SCAF1: variants seen among roughly 807,000 people sequenced by gnomAD.
SCAF1 encodes the protein splicing factor, arginine/serine-rich 19.
Under a neutral mutation model 91.2 loss-of-function variants are expected in SCAF1, and 28 were observed. The observed-to-expected ratio is 0.31, with a 90% CI of 0.23 to 0.42. The LOEUF (loss-of-function observed/expected upper bound fraction) is 0.42. Ranked by LOEUF, SCAF1 falls within the 10% of genes least tolerant of loss-of-function variation. The pLI, the probability that SCAF1 is intolerant of heterozygous loss-of-function variation, is 1.00. For synonymous variants in SCAF1, 1,036 were observed against 833.7 expected (o/e 1.24, Z -4.18); for missense variants, 1,893 against 1,872.1 (o/e 1.01, Z -0.21).
chr19:49,651,542 C>A lies in SCAF1; in HGVS notation c.1153C>A (p.Pro385Thr). ...AGCCGCCCTCCCGCCGCCCCTGCTG[C>A]CGCCCGGCGACTCGGAGATCGAGGA... ...GGAALPPPLL[P>T]PGDSEIEEGE... The change falls in exon 7 of 11, where the codon CCG (proline) becomes ACG (threonine). Residue 385 changes from proline (P) to threonine (T), a missense_variant. Pro to Thr is a conservative substitution (Grantham distance 38). Around this residue, in one of 5 missense-constraint regions of SCAF1, gnomAD observed 1,436 missense variants for 1,306.8 expected, o/e 1.10. Coordinates refer to ENST00000360565, the MANE Select transcript of SCAF1 (RefSeq NM_021228.3). 6.4e-7 allele frequency: 1 copy of A among 1,562,162 alleles called. No individual in the cohort carries two copies.
rs754856414 is a variant in SCAF1 at position 49,652,030 on chromosome 19, C to A, written c.1641C>A (p.Ala547=). ...SGTQPAPPAP[A]SPWDSKKHRS... Reference sequence around the variant, plus strand: ...CCCAGCCAGCGCCGCCCGCCCCGGCCTCGCCCTGGGACTCCAAGAAGCACC... The same window carrying A: ...CCCAGCCAGCGCCGCCCGCCCCGGCATCGCCCTGGGACTCCAAGAAGCACC... The change falls in exon 7 of 11, where the codon GCC becomes GCA. Residue 547 remains alanine, a synonymous_variant. Coordinates refer to ENST00000360565, the MANE Select transcript of SCAF1 (RefSeq NM_021228.3). The A allele has an allele frequency of 4.1e-6, 5 of 1,227,356 alleles. No individual in the cohort carries two copies. The highest frequency in any genetic ancestry group is 5.1e-6 in the Non-Finnish European group (5 of 973,056). The allele number at this position is 1,227,356 out of a possible 1,614,324, so 76.0% of individuals were successfully genotyped here.
rs777100927 is a variant in SCAF1 at position 49,650,882 on chromosome 19, A to G, written c.493A>G (p.Asn165Asp). The change falls in exon 7 of 11, where the codon AAC becomes GAC. Residue 165 changes from asparagine to aspartate, a missense_variant. This residue lies in a region of SCAF1 where 270 missense variants were observed against 292.5 expected (regional missense o/e 0.92). Transcript: ENST00000360565. The stretch of plus-strand genomic sequence containing the variant: ...TTCCTTTGCAGTTTCTCCACAGTCG[A>G]ACTCCTCTAGGCCCACCTGTGCCCG... ...RTGKTVSPQS[N>D]SSRPTCARHL... 6.2e-7 allele frequency: 1 copy of G among 1,609,878 alleles called. No individual in the cohort carries two copies. Among genetic ancestry groups the G allele is most frequent in the Non-Finnish European group, 8.5e-7 (1 of 1,178,122 alleles).
intron 9 of SCAF1, 29 bp downstream of exon 9, chr19:49,654,899 G>T: frequency 6.7e-7 from 1 of 1,494,330 alleles, no homozygotes; most frequent in Non-Finnish European, 9.0e-7. Flanking sequence ...AGGTGGGGCG[G>T]TGCTGACAGT....
chr19:49,658,162 G>T (rs371695226), intron 10 of SCAF1, 46 bp from the exon 11 acceptor site: 1 of 1,582,856 alleles, frequency 6.3e-7, no homozygotes, highest in African/African-American at 1.3e-5. Flanking sequence ...GGGTGGATGG[G>T]GCCCCGGGAG....
intron 8 of SCAF1, 75 bp from the exon 9 acceptor site, chr19:49,654,577 G>A (rs1406845911): frequency 1.5e-6 from 2 of 1,378,496 alleles, no homozygotes; most frequent in Non-Finnish European, 2.0e-6. Flanking sequence ...AAGTCAGCGT[G>A]GGAACAGTGG....
chr19:49,643,905 C>G (rs1469610353), intron 1 of SCAF1, among the ~76,000 whole-genome samples: 2 of 152,096 alleles, frequency 1.3e-5, no homozygotes, highest in African/African-American at 4.8e-5. Context: ...TATATGGGAT[C>G]TAGAACAGGA....
In SCAF1 at chr19:49,652,946, G is replaced by A; in HGVS notation, c.2557G>A (p.Asp853Asn). The change falls in exon 7 of 11, where the codon GAT becomes AAT. Residue 853 changes from aspartate (D) to asparagine (N), a missense_variant. Asp to Asn is a conservative substitution (Grantham distance 23). Around this residue, in one of 5 missense-constraint regions of SCAF1, gnomAD observed 1,436 missense variants for 1,306.8 expected, o/e 1.10. Coordinates refer to ENST00000360565, the MANE Select transcript of SCAF1 (RefSeq NM_021228.3). ...EGVSSTTPAKDAASAGLGSIG... is the reference protein window; with the variant it reads ...EGVSSTTPAKNAASAGLGSIG... ...TGTCAGCAGCACCACCCCGGCCAAG[G>A]ATGCCGCGTCAGCCGGCCTGGGCTC... The A allele has an allele frequency of 6.2e-7, 1 of 1,613,896 alleles. No individual in the cohort carries two copies. Among genetic ancestry groups the A allele is most frequent in the Non-Finnish European group, 8.5e-7 (1 of 1,179,986 alleles).
At position 49,654,425 on chromosome 19, in the gene SCAF1, C is replaced by T. The variant is rs1364959186; in HGVS notation, c.3393C>T (p.Thr1131=). Residue 1131 remains threonine (T), a synonymous_variant, in exon 8 of 11, where the codon ACC becomes ACT. Coordinates refer to ENST00000360565, the MANE Select transcript of SCAF1 (RefSeq NM_021228.3). ...RAKAQELIQA[T]NQILSHRKPP... is the part of the protein sequence containing the mutation. ...AGGCCCAGGAGCTGATCCAGGCCAC[C>T]AACCAGGTGGGCTCCCCTGGGGGAG... 6.2e-7 allele frequency: 1 copy of T among 1,613,118 alleles called. No individual in the cohort carries two copies. The highest frequency in any genetic ancestry group is 8.5e-7 in the Non-Finnish European group (1 of 1,179,792).
Position 49,652,069 on chromosome 19 carries a change from C to A in SCAF1, c.1680C>A (p.Arg560=), listed in dbSNP as rs1270861307. The change falls in exon 7 of 11, where the codon CGC becomes CGA. Residue 560 remains arginine, a synonymous_variant. Coordinates refer to ENST00000360565, the MANE Select transcript of SCAF1 (RefSeq NM_021228.3). The part of the protein sequence containing the change: ...WDSKKHRSRD[R]KPGSHASSSA... ...CCAAGAAGCACCGCTCGCGGGACCGCAAGCCCGGCTCCCACGCCTCGTCGT... is the reference window on the plus strand; with the variant it reads ...CCAAGAAGCACCGCTCGCGGGACCGAAAGCCCGGCTCCCACGCCTCGTCGT... 5 of 1,214,738 alleles carry A rather than the reference C, an allele frequency of 4.1e-6. No individual in the cohort carries two copies. The highest frequency in any genetic ancestry group is 5.2e-6 in the Non-Finnish European group (5 of 962,892). 75.2% of individuals were successfully genotyped at this position (1,214,738 alleles called of 1,614,324 possible). A position where few individuals can be genotyped will look rare whatever the true frequency, so the allele number is the denominator to read the frequency against.
chr19:49,650,144 C>T (rs2081077070), intron 6 of SCAF1, among the ~76,000 whole-genome samples: 2 of 152,180 alleles, frequency 1.3e-5, no homozygotes, highest in Non-Finnish European at 2.9e-5. Flanking sequence ...TTTGTCATTG[C>T]CACTGTCACT....
intron 1 of SCAF1, among the ~76,000 whole-genome samples, chr19:49,644,454 A>G (rs928738327): frequency 6.6e-6 from 1 of 152,204 alleles, no homozygotes; most frequent in African/African-American, 2.4e-5. Flanking sequence ...AGATCACTCA[A>G]TGAAGTTTCC....
chr19:49,656,848 CG>C (rs1476830997), intron 9 of SCAF1, among the ~76,000 whole-genome samples: 1 of 152,194 alleles, frequency 6.6e-6, no homozygotes, highest in East Asian at 1.9e-4. Flanking sequence ...GTGCTGTCCC[CG>C]TTTTACAAAT....
At chr19:49,653,800 G>A in intron 7 of SCAF1, 95 bp downstream of exon 7, 1 of 1,250,544 alleles carries the variant, frequency 8.0e-7, no homozygotes, top group African/African-American at 1.5e-5. Flanking sequence ...GCCCTGGCAG[G>A]GAGAGGTTTA....
At position 49,653,092 on chromosome 19, in the gene SCAF1, G is replaced by A. The variant is rs373477336; in HGVS notation, c.2703G>A (p.Lys901=). The A allele has an allele frequency of 6.8e-6, 11 of 1,613,018 alleles. No homozygotes were observed. The highest frequency in any genetic ancestry group is 9.3e-6 in the Non-Finnish European group (11 of 1,179,540). The change falls in exon 7 of 11, where the codon AAG becomes AAA. Residue 901 remains lysine (K), a synonymous_variant. Coordinates refer to ENST00000360565, the MANE Select transcript of SCAF1 (RefSeq NM_021228.3). ...APGSTKPKKT[K]VKAKAGAKKT... ...GCAGCACCAAGCCCAAAAAGACCAA[G>A]GTCAAGGCCAAGGCAGGGGCCAAGA...
chr19:49,654,464 CCTT>C (rs745858960), intron 8 of SCAF1, 33 bp downstream of exon 8: 2 of 1,595,382 alleles, frequency 1.3e-6, no homozygotes, highest in South Asian at 1.1e-5. Context: ...CCCTGCCGCC[CCTT>C]CTTTTGTCCA....
chr19:49,644,493 G>A (rs2122449094), intron 1 of SCAF1, among the ~76,000 whole-genome samples: 1 of 152,284 alleles, frequency 6.6e-6, no homozygotes, highest in East Asian at 1.9e-4. Flanking sequence ...CAATTTGGGG[G>A]TGGTCCTCAC....
intron 10 of SCAF1, 118 bp from the exon 11 acceptor site, chr19:49,658,090 C>T: frequency 5.5e-6 from 7 of 1,276,758 alleles, no homozygotes; most frequent in Non-Finnish European, 7.6e-6. Flanking sequence ...GACAGAGGGA[C>T]TTTGGCCTGG....
At position 49,645,805 on chromosome 19, in the gene SCAF1, G is replaced by A. The variant is rs1007408270; in HGVS notation, c.167-303G>A. ...GCTGCGCTGGGCTTCCTTGGGGCTG[G>A]CATGCAGGAGGGTGTGAGTGGGGTT... On this transcript the variant is annotated intron_variant, in intron 3 of 10. Transcript: ENST00000360565. This position sits in a 1 kb window ranked among gnomAD's most constrained non-coding sequence, Gnocchi z 4.6. Among the ~76,000 whole-genome samples the A allele has an allele frequency of 2.6e-5, 4 of 152,172 alleles. No homozygotes were observed. Among genetic ancestry groups the A allele is most frequent in the African/African-American group, 9.7e-5 (4 of 41,446 alleles).
At chr19:49,650,796 G>C (rs2081080456) in intron 6 of SCAF1, 72 bp from the exon 7 acceptor site, 9 of 1,275,998 alleles carry the variant, frequency 7.1e-6, no homozygotes, top group Non-Finnish European at 9.9e-6. Flanking sequence ...AGTGTCCACG[G>C]CTGGGCCAGC....
Sources: gnomAD v4.1 joint callset for allele counts (sites outside exome capture counted in the v4.1 genomes callset) on GRCh38, gnomAD v4.1.1 for gene constraint, gnomAD v4.1.1 regional missense constraint, Gnocchi (gnomAD v3.1) non-coding constraint, MANE v1.5 for transcripts, NCBI Gene and HGNC (gene_info 2026-07-23, HGNC 2026-07-21) for gene names.